OR1J2: variants seen among roughly 807,000 people sequenced by gnomAD.
OR1J2 encodes olfactory receptor 1J2.
For missense variants in OR1J2, 304 were observed against 246.1 expected, an observed-to-expected ratio of 1.24 and a Z score of -1.57; for synonymous variants, 142 against 99.7, an observed-to-expected ratio of 1.42 and a Z score of -2.52.
chr9:122,450,556 TATC>T, the OR1J2 span, among the ~76,000 whole-genome samples: 1 of 152,222 alleles, frequency 6.6e-6, no homozygotes, highest in Non-Finnish European at 1.5e-5. Context: ...TCAAGCTAAT[TATC>T]ATATAATCAC....
chr9:122,487,184 G>A, the OR1J2 span, among the ~76,000 whole-genome samples: 3 of 151,858 alleles, frequency 2.0e-5, no homozygotes, highest in Non-Finnish European at 2.9e-5. Flanking sequence ...AATTTTTAAA[G>A]GACATAATAG....
the OR1J2 span, among the ~76,000 whole-genome samples, chr9:122,471,086 T>C: frequency 0.017 from 2,577 of 152,176 alleles, 176 homozygotes; most frequent in Admixed American, 0.12. Flanking sequence ...GAAGACATGA[T>C]TGGTTTTGAA....
At chr9:122,567,727 G>A in the OR1J2 span, 6 of 1,614,060 alleles carry the variant, frequency 3.7e-6, no homozygotes, top group Admixed American at 6.7e-5. Context: ...CCATAAAAGA[G>A]CGTCACCACG....
the OR1J2 span, among the ~76,000 whole-genome samples, chr9:122,572,520 G>A: frequency 6.6e-6 from 1 of 151,822 alleles, no homozygotes; most frequent in Non-Finnish European, 1.5e-5. Context: ...CTAAAGTACA[G>A]GGTGAGTGTA....
the OR1J2 span, among the ~76,000 whole-genome samples, chr9:122,534,279 T>G: frequency 6.6e-6 from 1 of 152,170 alleles, no homozygotes; most frequent in African/African-American, 2.4e-5. Context: ...AATTTAATTT[T>G]TGGAGTTTTA....
chr9:122,508,377 C>T (rs148411281), upstream of OR1J2, among the ~76,000 whole-genome samples: 795 of 152,228 alleles, frequency 5.2e-3, 10 homozygotes, highest in African/African-American at 0.018. Flanking sequence ...AGATTTGAAA[C>T]CTGCCACCGA....
At chr9:122,469,936 A>G in the OR1J2 span, among the ~76,000 whole-genome samples, 24,632 of 152,228 alleles carry the variant, frequency 0.16, 2,438 homozygotes, top group East Asian at 0.38. Flanking sequence ...AAAGCACTCA[A>G]GAGGTGACTG....
At chr9:122,567,742 G>A in the OR1J2 span, 843 of 1,614,050 alleles carry the variant, frequency 5.2e-4, 1 homozygote, top group Non-Finnish European at 6.8e-4. Flanking sequence ...ACCACGGTGA[G>A]GTAAAAACCA....
At chr9:122,527,175 T>C in the OR1J2 span, 5 of 1,614,080 alleles carry the variant, frequency 3.1e-6, no homozygotes, top group Non-Finnish European at 4.2e-6. Flanking sequence ...GATGAGCAGG[T>C]TCCCAGTCAA....
chr9:122,493,019 G>C, the OR1J2 span, among the ~76,000 whole-genome samples: 5 of 151,978 alleles, frequency 3.3e-5, no homozygotes, highest in Non-Finnish European at 7.4e-5. Flanking sequence ...ATTGACTTAC[G>C]TATGTTAAAT....
the OR1J2 span, among the ~76,000 whole-genome samples, chr9:122,490,184 C>T: frequency 6.6e-6 from 1 of 152,060 alleles, no homozygotes; most frequent in African/African-American, 2.4e-5. Context: ...TGATAGGGTA[C>T]CATCATCAGG....
chr9:122,568,829 A>C, the OR1J2 span: 1 of 189,768 alleles, frequency 5.3e-6, no homozygotes, highest in Non-Finnish European at 1.1e-5. Flanking sequence ...ATTTCTGCTT[A>C]TGTGGAGCTT....
the OR1J2 span, among the ~76,000 whole-genome samples, chr9:122,520,898 A>G: frequency 8.9e-4 from 136 of 152,308 alleles, no homozygotes; most frequent in African/African-American, 3.2e-3. Flanking sequence ...GGTCTCCGCC[A>G]TCCAGTGAAG....
chr9:122,544,723 T>C, the OR1J2 span, among the ~76,000 whole-genome samples: 1 of 152,184 alleles, frequency 6.6e-6, no homozygotes, highest in African/African-American at 2.4e-5. Context: ...CTGTGAAACC[T>C]GTATGGACAA....
At chr9:122,548,071 T>C in the OR1J2 span, among the ~76,000 whole-genome samples, 397 of 152,360 alleles carry the variant, frequency 2.6e-3, 1 homozygote, top group African/African-American at 8.9e-3. Context: ...CATATGCTTA[T>C]TAACCATTTG....
At chr9:122,488,044 C>G in the OR1J2 span, among the ~76,000 whole-genome samples, 1 of 152,260 alleles carries the variant, frequency 6.6e-6, no homozygotes, top group East Asian at 1.9e-4. Context: ...AAACCTAAAG[C>G]CTGGTTTCAT....
chr9:122,462,975 C>T, the OR1J2 span, among the ~76,000 whole-genome samples: 1 of 152,164 alleles, frequency 6.6e-6, no homozygotes, highest in East Asian at 1.9e-4. Context: ...AGATCTCTAG[C>T]AAAGCTGGGG....
the OR1J2 span, among the ~76,000 whole-genome samples, chr9:122,523,070 G>T: frequency 2.2e-3 from 336 of 152,038 alleles, 1 homozygote; most frequent in African/African-American, 7.8e-3. Flanking sequence ...TAACACAAGG[G>T]CGTATAGTTA....
At chr9:122,557,096 C>G in the OR1J2 span, among the ~76,000 whole-genome samples, 2 of 152,062 alleles carry the variant, frequency 1.3e-5, 1 homozygote, top group South Asian at 4.1e-4. Context: ...TATCCCGAAA[C>G]CTTGCTATAA....
Sources: allele counts gnomAD v4.1 joint callset (sites outside exome capture counted in the v4.1 genomes callset), GRCh38; gene constraint gnomAD v4.1.1; transcripts MANE v1.5; gene names NCBI Gene and HGNC (gene_info 2026-07-23, HGNC 2026-07-21).